Variants in RGL1 observed in about 807,000 individuals in gnomAD.
RGL1 encodes ral guanine nucleotide dissociation stimulator like 1, also known as ral guanine nucleotide dissociation stimulator-like 1.
Under a neutral mutation model 95.2 loss-of-function variants are expected in RGL1, and 24 were observed. The observed-to-expected ratio is 0.25, with a 90% CI of 0.18 to 0.35. RGL1 has a LOEUF of 0.35. Ranked by LOEUF, RGL1 falls within the 10% of genes least tolerant of loss-of-function variation. The probability of loss-of-function intolerance (pLI) is 1.00; values close to 1 mark genes in which losing one functional copy is unlikely to be tolerated. For synonymous variants in RGL1, 329 were observed against 344.9 expected, an observed-to-expected ratio of 0.95 and a Z score of 0.51; for missense variants, 715 against 936.3, an observed-to-expected ratio of 0.76 and a Z score of 3.08.
chr1:183,769,355 A>T (rs568402522), intron 2 of RGL1, among the ~76,000 whole-genome samples: 68 of 152,376 alleles, frequency 4.5e-4, no homozygotes, highest in African/African-American at 1.6e-3. Flanking sequence ...ACACCTCAAA[A>T]TATCTACAGA....
intron 1 of RGL1, among the ~76,000 whole-genome samples, chr1:183,726,377 G>A (rs925044498): frequency 5.3e-5 from 8 of 151,778 alleles, no homozygotes; most frequent in African/African-American, 1.9e-4. Flanking sequence ...TAAACTGCTG[G>A]CTATATTGAT....
rs752940679 is a variant in RGL1, at chr1:183,922,309, C to A, written c.2092C>A (p.Leu698Met). The A allele has an allele frequency of 6.2e-7, 1 of 1,613,978 alleles. No individual in the cohort carries two copies. The highest frequency in any genetic ancestry group is 8.5e-7 in the Non-Finnish European group (1 of 1,179,938). ...LDSDPAEEYELVQVISEDKEL... is the reference protein window; with the variant it reads ...LDSDPAEEYEMVQVISEDKEL... ...CTCAGACCCCGCCGAGGAGTACGAG[C>A]TGGTGCAGGTCATCTCGGAGGACAA... Residue 698 changes from leucine (L) to methionine (M), a missense_variant, in exon 17 of 18, where the codon CTG becomes ATG. Transcript: ENST00000360851.
chr1:183,780,629 G>A (rs1213402013), intron 2 of RGL1, among the ~76,000 whole-genome samples: 1 of 152,218 alleles, frequency 6.6e-6, no homozygotes, highest in Non-Finnish European at 1.5e-5. Flanking sequence ...TATAGGATTT[G>A]TATACAGGCT....
intron 14 of RGL1, among the ~76,000 whole-genome samples, chr1:183,909,095 TG>T (rs1298469172): frequency 6.6e-6 from 1 of 152,252 alleles, no homozygotes; most frequent in African/African-American, 2.4e-5. Flanking sequence ...AAAATCTTGC[TG>T]GGATAACCCT....
chr1:183,913,447 C>T (rs973505626), intron 15 of RGL1, among the ~76,000 whole-genome samples: 1 of 152,090 alleles, frequency 6.6e-6, no homozygotes, highest in Non-Finnish European at 1.5e-5. Flanking sequence ...CCACCCACTT[C>T]GGCCTCCCAA....
At chr1:183,773,154 T>A (rs187544150) in intron 2 of RGL1, among the ~76,000 whole-genome samples, 1 of 151,890 alleles carries the variant, frequency 6.6e-6, no homozygotes, top group Non-Finnish European at 1.5e-5. Context: ...TTCCCTGATC[T>A]CTCTGCAGAC....
intron 2 of RGL1, among the ~76,000 whole-genome samples, chr1:183,771,317 GA>G (rs372063279): frequency 2.0e-5 from 3 of 150,436 alleles, no homozygotes; most frequent in African/African-American, 7.3e-5. Context: ...AAAAAAACAA[GA>G]AAAAAAATGA....
At chr1:183,677,356 C>T (rs1652896537) in intron 1 of RGL1, among the ~76,000 whole-genome samples, 1 of 151,758 alleles carries the variant, frequency 6.6e-6, no homozygotes, top group South Asian at 2.1e-4. Context: ...CATTGCTATA[C>T]CTCCTTTCCT....
chr1:183,923,926 A>G (rs1173231504), intron 17 of RGL1, among the ~76,000 whole-genome samples: 1 of 152,206 alleles, frequency 6.6e-6, no homozygotes, highest in Non-Finnish European at 1.5e-5. Context: ...TTTTACAACC[A>G]TATGCCTCTC....
At chr1:183,662,294 T>C (rs939884710) in intron 1 of RGL1, among the ~76,000 whole-genome samples, 9 of 151,006 alleles carry the variant, frequency 6.0e-5, no homozygotes, top group East Asian at 1.9e-4. Flanking sequence ...GATGACATGA[T>C]TGTATATCTA....
At chr1:183,690,947 G>T (rs1210221507) in intron 1 of RGL1, among the ~76,000 whole-genome samples, 1 of 152,144 alleles carries the variant, frequency 6.6e-6, no homozygotes, top group Non-Finnish European at 1.5e-5. Context: ...TCATTGACAT[G>T]ATATGCCTAA....
chr1:183,892,227 T>C, intron 9 of RGL1, 66 bp downstream of exon 9: 1 of 1,180,208 alleles, frequency 8.5e-7, no homozygotes, highest in Non-Finnish European at 1.2e-6. Flanking sequence ...CAAGGAAGAG[T>C]AGTGTGAGGG....
intron 1 of RGL1, among the ~76,000 whole-genome samples, chr1:183,682,640 T>C (rs1653298444): frequency 6.6e-6 from 1 of 152,200 alleles, no homozygotes. Context: ...GAATGTATAT[T>C]CTGTTGATTT....
intron 1 of RGL1, among the ~76,000 whole-genome samples, chr1:183,714,127 T>C (rs1655472310): frequency 6.6e-6 from 1 of 152,232 alleles, no homozygotes; most frequent in Admixed American, 6.5e-5. Context: ...CAAAAATATT[T>C]TTTGAATGAA....
intron 1 of RGL1, among the ~76,000 whole-genome samples, chr1:183,639,282 C>CAAAAAAA (rs1306405130): frequency 7.1e-5 from 5 of 70,834 alleles, no homozygotes; most frequent in Non-Finnish European, 9.3e-5. Flanking sequence ...CACTTCATCT[C>CAAAAAAA]AAAAAAAAAA....
chr1:183,730,147 C>T (rs958537604), intron 1 of RGL1, among the ~76,000 whole-genome samples: 5 of 152,104 alleles, frequency 3.3e-5, no homozygotes, highest in Admixed American at 2.0e-4. Context: ...GTAGTAGTTG[C>T]TGTTTTTGAG....
intron 2 of RGL1, among the ~76,000 whole-genome samples, chr1:183,774,530 T>C (rs1659485005): frequency 6.6e-6 from 1 of 151,792 alleles, no homozygotes; most frequent in African/African-American, 2.4e-5. Context: ...AATTAACCCT[T>C]CTGGTCTTAA....
chr1:183,784,464 C>A (rs777412302), intron 2 of RGL1, among the ~76,000 whole-genome samples: 6 of 152,176 alleles, frequency 3.9e-5, no homozygotes, highest in Non-Finnish European at 8.8e-5. Context: ...GGGCCCCAGC[C>A]CCAGAGGGAC....
chr1:183,693,656 C>T (rs10911413), intron 1 of RGL1, among the ~76,000 whole-genome samples: 12,794 of 151,440 alleles, frequency 0.084, 1,017 homozygotes, highest in African/African-American at 0.21. Flanking sequence ...TCTAGCTCTG[C>T]TCCAATCCTG....
Sources: allele counts gnomAD v4.1 joint callset (sites outside exome capture counted in the v4.1 genomes callset), GRCh38; gene constraint gnomAD v4.1.1; transcripts MANE v1.5; gene names NCBI Gene and HGNC (gene_info 2026-07-23, HGNC 2026-07-21).